The following IFT88 variants were observed in gnomAD, a reference collection of about 807,000 sequenced individuals.
The protein encoded by IFT88 is intraflagellar transport protein 88 homolog.
IFT88 carries 74 observed loss-of-function variants against 119.5 expected under a neutral mutation model. The ratio of observed to expected loss-of-function variants is 0.62; its 90% CI spans 0.51 to 0.75. IFT88 has a LOEUF of 0.75. IFT88 is among the 30% of genes least tolerant of loss of function. IFT88 has a pLI of 0.00. For synonymous variants in IFT88, 279 were observed against 316.7 expected, an observed-to-expected ratio of 0.88 and a Z score of 1.26; for missense variants, 961 against 977.7, an observed-to-expected ratio of 0.98 and a Z score of 0.23.
At chr13:20,645,208 GC>G (rs2050552160) in intron 20 of IFT88, among the ~76,000 whole-genome samples, 2 of 152,090 alleles carry the variant, frequency 1.3e-5, no homozygotes, top group African/African-American at 4.8e-5. Flanking sequence ...TCCTGCCTCA[GC>G]CTCCCGAGTA....
chr13:20,571,216 G>C (rs562058108), intron 1 of IFT88, among the ~76,000 whole-genome samples: 1 of 152,036 alleles, frequency 6.6e-6, no homozygotes, highest in Non-Finnish European at 1.5e-5. Context: ...GGATGGTCTC[G>C]ATCTCCTGAC....
At chr13:20,673,147 C>T (rs1210249775) in intron 24 of IFT88, among the ~76,000 whole-genome samples, 1 of 152,192 alleles carries the variant, frequency 6.6e-6, no homozygotes, top group Admixed American at 6.5e-5. Context: ...AAGGATTCTG[C>T]ATTTCTCTCT....
In IFT88 at chr13:20,656,379, G is replaced by A; in HGVS notation, c.2017G>A (p.Ala673Thr). 2.0e-6 allele frequency: 3 copies of A among 1,486,426 alleles called. No homozygotes were observed. The South Asian group carries it at 3.8e-5, about 19-fold the overall frequency. 92.1% of individuals were successfully genotyped at this position (1,486,426 alleles called of 1,614,324 possible). Reference protein sequence around the residue: ...CFRRSGNYQKALDTYKDTHRK... With the variant: ...CFRRSGNYQKTLDTYKDTHRK... Reference sequence around the variant, plus strand: ...TTTGTTTATAGGTAACTACCAAAAAGCATTAGATACTTACAAAGATACTCA... The same window carrying A: ...TTTGTTTATAGGTAACTACCAAAAAACATTAGATACTTACAAAGATACTCA... Residue 673 changes from alanine (A) to threonine (T), a missense_variant, in exon 22 of 26, where the codon GCA becomes ACA. Coordinates refer to ENST00000351808, the MANE Select transcript of IFT88 (RefSeq NM_006531.5).
intron 17 of IFT88, among the ~76,000 whole-genome samples, chr13:20,640,441 C>T (rs972736280): frequency 2.6e-5 from 4 of 151,778 alleles, no homozygotes; most frequent in East Asian, 1.9e-4. Context: ...GGCGTGATGG[C>T]GGGCGCCTGT....
chr13:20,569,863 CTAAAAATAAAAA>C (rs543159590), intron 1 of IFT88, among the ~76,000 whole-genome samples: 1 of 151,156 alleles, frequency 6.6e-6, no homozygotes, highest in African/African-American at 2.4e-5. Flanking sequence ...CCCATCTCTA[CTAAAAATAAAAA>C]TAAAAATAAA....
At chr13:20,569,523 A>C (rs2137745359) in intron 1 of IFT88, among the ~76,000 whole-genome samples, 1 of 150,876 alleles carries the variant, frequency 6.6e-6, no homozygotes, top group South Asian at 2.1e-4. Context: ...CAGTGAGCCG[A>C]GATCGCGCCA....
intron 20 of IFT88, among the ~76,000 whole-genome samples, chr13:20,646,982 T>C (rs903162350): frequency 1.3e-5 from 2 of 152,186 alleles, no homozygotes; most frequent in African/African-American, 4.8e-5. Context: ...GTAAATTATG[T>C]AACCAGGTGA....
intron 4 of IFT88, among the ~76,000 whole-genome samples, chr13:20,590,751 G>A (rs1437427944): frequency 2.0e-5 from 3 of 152,146 alleles, no homozygotes; most frequent in Non-Finnish European, 4.4e-5. Flanking sequence ...GCATGGCTAT[G>A]TTCCAGTAAA....
chr13:20,679,397 G>T (rs1032353560), intron 24 of IFT88, among the ~76,000 whole-genome samples: 8 of 152,076 alleles, frequency 5.3e-5, no homozygotes, highest in Non-Finnish European at 1.2e-4. Context: ...AGTCAATCCC[G>T]TAATGATTAA....
At position 20,631,099 on chromosome 13, in the gene IFT88, T is replaced by C. The variant is rs1211701024; in HGVS notation, c.1383T>C (p.Tyr461=). The C allele has an allele frequency of 5.7e-6, 9 of 1,589,344 alleles. No homozygotes were observed. The highest frequency in any genetic ancestry group is 1.1e-5 in the South Asian group (1 of 90,566). ...AAATNLSALY[Y]MGKDFAQASS... ...CAACCAATCTCTCAGCCCTGTATTATATGGTAAGTTTTTTTACTACTAAGA... is the reference window on the plus strand; with the variant it reads ...CAACCAATCTCTCAGCCCTGTATTACATGGTAAGTTTTTTTACTACTAAGA... The change falls in exon 16 of 26, where the codon TAT becomes TAC. Residue 461 remains tyrosine, a synonymous_variant. Transcript: ENST00000351808.
chr13:20,667,751 A>G (rs2054987285), intron 23 of IFT88, among the ~76,000 whole-genome samples: 1 of 151,620 alleles, frequency 6.6e-6, no homozygotes, highest in Non-Finnish European at 1.5e-5. Context: ...CCATTTTCAC[A>G]GTTTTATATC....
intron 16 of IFT88, among the ~76,000 whole-genome samples, chr13:20,634,769 G>A (rs2048752725): frequency 6.7e-6 from 1 of 148,396 alleles, no homozygotes; most frequent in African/African-American, 2.5e-5. Context: ...AGCTTTCTCA[G>A]GAACAATTTC....
chr13:20,639,614 A>T (rs2497493), intron 17 of IFT88, among the ~76,000 whole-genome samples: 32,202 of 152,020 alleles, frequency 0.21, 3,946 homozygotes, highest in African/African-American at 0.31. Flanking sequence ...GGAAGAGAGC[A>T]TTGAAGAGAG....
At chr13:20,619,542 G>A (rs1038260768) in intron 14 of IFT88, among the ~76,000 whole-genome samples, 5 of 151,974 alleles carry the variant, frequency 3.3e-5, no homozygotes, top group African/African-American at 7.3e-5. Flanking sequence ...CCATGTCCTC[G>A]CATGTAGCTG....
At chr13:20,625,558 T>C (rs921224888) in intron 14 of IFT88, among the ~76,000 whole-genome samples, 192 bp from the exon 15 acceptor site, 3 of 152,174 alleles carry the variant, frequency 2.0e-5, no homozygotes, top group Non-Finnish European at 4.4e-5. Context: ...TAATGATAAA[T>C]TGGATAAGAA....
intron 3 of IFT88, among the ~76,000 whole-genome samples, chr13:20,584,701 C>A (rs1030961876): frequency 2.0e-5 from 3 of 151,904 alleles, no homozygotes; most frequent in African/African-American, 7.3e-5. Context: ...TGAAAATAAA[C>A]AAGGTTGACA....
intron 22 of IFT88, among the ~76,000 whole-genome samples, chr13:20,660,080 G>A (rs1315723527): frequency 2.0e-5 from 3 of 152,166 alleles, no homozygotes; most frequent in African/African-American, 7.2e-5. Context: ...CGTGGAACTT[G>A]TTTCTAGTGG....
rs769577868 is a variant in IFT88 at position 20,597,085 on chromosome 13, C to T, written c.560C>T (p.Thr187Ile). Reference protein sequence around the residue: ...VLVRQREQVTTPENINLDLTY... With the variant: ...VLVRQREQVTIPENINLDLTY... Reference sequence around the variant, plus strand: ...GTGAGACAGCGAGAACAAGTTACAACTCCAGAAAATATCAATTTGGATTTA... The same window carrying T: ...GTGAGACAGCGAGAACAAGTTACAATTCCAGAAAATATCAATTTGGATTTA... Residue 187 changes from threonine to isoleucine, a missense_variant, in exon 9 of 26, where the codon ACT (threonine) becomes ATT (isoleucine). Thr to Ile is a moderately conservative substitution (Grantham distance 89). Transcript: ENST00000351808. 3 of 1,602,572 alleles carry T rather than the reference C, an allele frequency of 1.9e-6. No homozygotes were observed. The highest frequency in any genetic ancestry group is 1.7e-5 in the Admixed American group (1 of 58,764).
intron 11 of IFT88, among the ~76,000 whole-genome samples, chr13:20,600,825 A>G (rs1275462319): frequency 6.6e-6 from 1 of 152,254 alleles, no homozygotes; most frequent in African/African-American, 2.4e-5. Context: ...CATTCATAAC[A>G]ATTATTCATA....
Sources: gnomAD v4.1 joint callset for allele counts (sites outside exome capture counted in the v4.1 genomes callset) on GRCh38, gnomAD v4.1.1 for gene constraint, MANE v1.5 for transcripts, NCBI Gene and HGNC (gene_info 2026-07-23, HGNC 2026-07-21) for gene names.